ZNF804B: variants seen among roughly 807,000 people sequenced by gnomAD.
ZNF804B encodes the protein zinc finger 804B.
ZNF804B carries 80 observed loss-of-function variants against 101.4 expected under a neutral mutation model. The ratio of observed to expected loss-of-function variants is 0.79; its 90% CI spans 0.66 to 0.95. The LOEUF is 0.95. ZNF804B is among the 40% of genes least tolerant of loss of function. The probability of loss-of-function intolerance (pLI) is 0.00; values close to 1 mark genes in which losing one functional copy is unlikely to be tolerated. For synonymous variants in ZNF804B, 622 were observed against 558.8 expected (o/e 1.11, Z -1.59); for missense variants, 1,673 against 1,561.9 (o/e 1.07, Z -1.20).
chr7:88,891,510 A>C (rs555426321), intron 1 of ZNF804B, among the ~76,000 whole-genome samples: 1 of 152,204 alleles, frequency 6.6e-6, no homozygotes, highest in African/African-American at 2.4e-5. Flanking sequence ...CCAATCTGAT[A>C]ATCTCTTTAA....
chr7:89,285,373 A>T (rs1584105028), intron 2 of ZNF804B, among the ~76,000 whole-genome samples: 1 of 151,550 alleles, frequency 6.6e-6, no homozygotes, highest in Non-Finnish European at 1.5e-5. Context: ...ATACAAAAAA[A>T]TTAGCTGGGC....
chr7:89,296,809 C>A (rs953214588), intron 2 of ZNF804B, among the ~76,000 whole-genome samples: 1 of 152,062 alleles, frequency 6.6e-6, no homozygotes, highest in African/African-American at 2.4e-5. Context: ...ATAGGTAATT[C>A]TGTAACACTT....
intron 1 of ZNF804B, among the ~76,000 whole-genome samples, chr7:88,897,347 C>T (rs570208085): frequency 2.0e-4 from 30 of 152,110 alleles, no homozygotes; most frequent in East Asian, 3.9e-4. Context: ...TGAAGTAATA[C>T]GCCTTAAAGA....
At chr7:89,326,446 C>T (rs964462903) in intron 2 of ZNF804B, among the ~76,000 whole-genome samples, 1 of 151,960 alleles carries the variant, frequency 6.6e-6, no homozygotes, top group African/African-American at 2.4e-5. Flanking sequence ...TTTCTCCATA[C>T]CTGGGAAACA....
intron 1 of ZNF804B, among the ~76,000 whole-genome samples, chr7:88,766,032 G>A (rs1284885694): frequency 6.6e-6 from 1 of 152,144 alleles, no homozygotes; most frequent in Non-Finnish European, 1.5e-5. Context: ...TTAAATTGGA[G>A]CAGGACCTGT....
intron 1 of ZNF804B, among the ~76,000 whole-genome samples, chr7:88,920,446 T>C (rs987554362): frequency 6.6e-6 from 1 of 152,074 alleles, no homozygotes; most frequent in Admixed American, 6.6e-5. Context: ...AATAATTTCT[T>C]CCATAATGTA....
At chr7:89,308,671 C>T (rs2115938849) in intron 2 of ZNF804B, among the ~76,000 whole-genome samples, 1 of 152,320 alleles carries the variant, frequency 6.6e-6, no homozygotes, top group African/African-American at 2.4e-5. Context: ...CCACCTCCCT[C>T]ATCCTGAACT....
chr7:89,157,397 C>A lies in ZNF804B; in HGVS notation c.109-60758C>A, dbSNP rs952090161. 3.3e-5 allele frequency among the ~76,000 whole-genome samples: 5 copies of A among 152,174 alleles called. No homozygotes were observed. The East Asian group carries it at 9.7e-4, about 29-fold the overall frequency. On this transcript the variant is annotated intron_variant, in intron 1 of 3. Transcript: ENST00000333190. ...TTTGATTGTTGTAGCTATCATTTTT[C>A]TTTTTATAAGTTGTAAAACATGTAC...
rs1272040266 is a variant in ZNF804B, at chr7:88,903,344, C to G, written c.108+143260C>G. ...GTATCTGTACCACGTTTTCTTTATCCAGTCCACCATTGATGGGCACCTAGC... is the reference window on the plus strand; with the variant it reads ...GTATCTGTACCACGTTTTCTTTATCGAGTCCACCATTGATGGGCACCTAGC... On this transcript the variant is annotated intron_variant, in intron 1 of 3. Coordinates refer to ENST00000333190, the MANE Select transcript of ZNF804B (RefSeq NM_181646.5). 2.0e-5 allele frequency among the ~76,000 whole-genome samples: 3 copies of G among 152,216 alleles called. No homozygotes were observed. In the South Asian group the frequency reaches 6.2e-4, roughly 32 times the overall value.
intron 1 of ZNF804B, among the ~76,000 whole-genome samples, chr7:88,888,013 A>T (rs1024133478): frequency 6.6e-6 from 1 of 152,144 alleles, no homozygotes; most frequent in African/African-American, 2.4e-5. Flanking sequence ...CTGGCTCTAT[A>T]GTTGCAGTTA....
chr7:89,333,439 A>T lies in ZNF804B; in HGVS notation c.457A>T (p.Ile153Phe), dbSNP rs752449749. ...EKQLQQGIFP[I>F]KNGRKVSCMK... ...GCAACTCCAGCAAGGAATTTTCCCC[A>T]TTAAGAATGGCAGAAAGGTATCATG... Residue 153 changes from isoleucine to phenylalanine, a missense_variant, in exon 4 of 4, where the codon ATT (isoleucine) becomes TTT (phenylalanine). Coordinates refer to ENST00000333190, the MANE Select transcript of ZNF804B (RefSeq NM_181646.5). The T allele has an allele frequency of 6.2e-7, 1 of 1,613,064 alleles. No individual in the cohort carries two copies. Among genetic ancestry groups the T allele is most frequent in the South Asian group, 1.1e-5 (1 of 91,032 alleles).
intron 1 of ZNF804B, among the ~76,000 whole-genome samples, chr7:88,801,377 C>T (rs1377607959): frequency 6.6e-6 from 1 of 151,662 alleles, no homozygotes; most frequent in East Asian, 1.9e-4. Context: ...GAATTTTACT[C>T]CGTGGATAAT....
chr7:89,207,818 A>C (rs2115668002), intron 1 of ZNF804B, among the ~76,000 whole-genome samples: 1 of 152,308 alleles, frequency 6.6e-6, no homozygotes, highest in African/African-American at 2.4e-5. Context: ...ATTCTTTAAT[A>C]GACATTTGGT....
chr7:89,066,487 G>T (rs558210634), intron 1 of ZNF804B, among the ~76,000 whole-genome samples: 1 of 152,232 alleles, frequency 6.6e-6, no homozygotes, highest in Non-Finnish European at 1.5e-5. Flanking sequence ...GGAACCATTA[G>T]CAGGTTAAAA....
At chr7:89,316,290 C>A (rs1790725025) in intron 2 of ZNF804B, among the ~76,000 whole-genome samples, 1 of 152,080 alleles carries the variant, frequency 6.6e-6, no homozygotes, top group South Asian at 2.1e-4. Flanking sequence ...TTTTCAGTTT[C>A]CCTAAATGTA....
At chr7:89,057,987 A>G (rs550088026) in intron 1 of ZNF804B, among the ~76,000 whole-genome samples, 4 of 152,256 alleles carry the variant, frequency 2.6e-5, no homozygotes, top group Admixed American at 2.6e-4. Context: ...GCATTTATCA[A>G]TATTCTATCC....
chr7:89,015,133 C>G (rs780734063), intron 1 of ZNF804B, among the ~76,000 whole-genome samples: 16 of 151,998 alleles, frequency 1.1e-4, no homozygotes, highest in Admixed American at 2.6e-4. Context: ...TACTTGACAC[C>G]TTTGTCAAAA....
chr7:88,946,688 T>C (rs975887464), intron 1 of ZNF804B, among the ~76,000 whole-genome samples: 11 of 151,962 alleles, frequency 7.2e-5, no homozygotes, highest in African/African-American at 2.7e-4. Context: ...TACCATTTCC[T>C]CTTTGTATCT....
chr7:89,048,954 T>G lies in ZNF804B; in HGVS notation c.109-169201T>G, dbSNP rs554376197. ...AACTTATCTTGCCCTTTGCTTCTGT[T>G]TCAGGGGTATACTTCTTATAAAATA... is the stretch of plus-strand genomic sequence containing the variant. On this transcript the variant is annotated intron_variant, in intron 1 of 3. Coordinates refer to ENST00000333190, the MANE Select transcript of ZNF804B (RefSeq NM_181646.5). Among the ~76,000 whole-genome samples the G allele has an allele frequency of 3.9e-5, 6 of 152,052 alleles. No homozygotes were observed. The East Asian group carries it at 7.7e-4, about 20-fold the overall frequency.
Sources: gnomAD v4.1 joint callset for allele counts (sites outside exome capture counted in the v4.1 genomes callset) on GRCh38, gnomAD v4.1.1 for gene constraint, MANE v1.5 for transcripts, NCBI Gene and HGNC (gene_info 2026-07-23, HGNC 2026-07-21) for gene names.